Variants in WWOX observed in about 807,000 individuals in gnomAD.
The protein encoded by WWOX is WW domain-containing oxidoreductase.
A neutral mutation model predicts 46.2 loss-of-function variants in WWOX; 69 were observed. That is an observed-to-expected ratio of 1.49 (90% confidence interval 1.23 to 1.82). The LOEUF is 1.82. Ranked by LOEUF, WWOX falls within the 40% of genes most tolerant of loss-of-function variation. The probability of loss-of-function intolerance (pLI) is 0.00; values close to 1 mark genes in which losing one functional copy is unlikely to be tolerated. For missense variants in WWOX, 919 were observed against 542.6 expected (o/e 1.69, Z -6.89); for synonymous variants, 359 against 202.6 (o/e 1.77, Z -6.56).
At chr16:78,369,040 T>A (rs1411926285) in intron 5 of WWOX, among the ~76,000 whole-genome samples, 1 of 151,932 alleles carries the variant, frequency 6.6e-6, no homozygotes, top group Non-Finnish European at 1.5e-5. Flanking sequence ...AACTCTTCCT[T>A]CCTCTATCCT....
At chr16:78,223,084 A>G (rs1005896850) in intron 5 of WWOX, among the ~76,000 whole-genome samples, 2 of 152,118 alleles carry the variant, frequency 1.3e-5, no homozygotes, top group African/African-American at 4.8e-5. Context: ...TGCGGTGATC[A>G]TTTATGTGAT....
intron 8 of WWOX, among the ~76,000 whole-genome samples, chr16:78,719,944 T>A (rs914690870): frequency 1.3e-5 from 2 of 152,228 alleles, no homozygotes; most frequent in Non-Finnish European, 2.9e-5. Context: ...TTCACCAAAG[T>A]GTTCTATTCT....
At chr16:78,468,134 G>C (rs2084126390) in intron 8 of WWOX, among the ~76,000 whole-genome samples, 1 of 152,116 alleles carries the variant, frequency 6.6e-6, no homozygotes, top group African/African-American at 2.4e-5. Context: ...GGGAGTCCAA[G>C]AACTACCTTT....
At chr16:78,265,281 C>T (rs534963123) in intron 5 of WWOX, among the ~76,000 whole-genome samples, 33 of 152,240 alleles carry the variant, frequency 2.2e-4, no homozygotes, top group Admixed American at 5.9e-4. Context: ...AGGCATAAGC[C>T]ACCTCACCCA....
intron 8 of WWOX, among the ~76,000 whole-genome samples, chr16:78,923,794 G>GGT (rs2045434006): frequency 9.8e-6 from 1 of 102,166 alleles, no homozygotes. Flanking sequence ...TTTTTAGTTA[G>GGT]TTTTTTTTTT....
Position 78,791,126 on chromosome 16 carries a change from G to T in WWOX, c.1056+358374G>T, listed in dbSNP as rs916823247. On this transcript the variant is annotated intron_variant, in intron 8 of 8. Transcript: ENST00000566780. ...AGGAAGGGCAGGGAAGAAGGGGGTT[G>T]GAGGTCAGTGGGAGGAATAACTCTG... 2.0e-5 allele frequency among the ~76,000 whole-genome samples: 3 copies of T among 152,174 alleles called. No homozygotes were observed. The East Asian group carries it at 5.8e-4, about 29-fold the overall frequency.
At chr16:78,869,260 G>T (rs1157755152) in intron 8 of WWOX, among the ~76,000 whole-genome samples, 1 of 152,164 alleles carries the variant, frequency 6.6e-6, no homozygotes, top group African/African-American at 2.4e-5. Flanking sequence ...CACCCTGCTG[G>T]AAATGAAACA....
chr16:78,341,038 A>G (rs1451800893), intron 5 of WWOX, among the ~76,000 whole-genome samples: 2 of 119,010 alleles, frequency 1.7e-5, no homozygotes, highest in East Asian at 3.9e-4. Context: ...CAGGTTCCAC[A>G]TTTTCTGAGC....
At position 78,833,723 on chromosome 16, in the gene WWOX, C is replaced by G. The variant is rs75020473; in HGVS notation, c.1057-377885C>G. On this transcript the variant is annotated intron_variant, in intron 8 of 8. Transcript: ENST00000566780. ...GATTGAATGCTGTTACCTCAGCATC[C>G]TCTGTGAAACTGGGTATGACTACAC... Among the ~76,000 whole-genome samples the G allele has an allele frequency of 9.9e-5, 15 of 152,206 alleles. 1 individual carries two copies. The highest frequency in any genetic ancestry group is 8.5e-4 in the Admixed American group (13 of 15,282).
chr16:78,905,360 T>C (rs920670358), intron 8 of WWOX, among the ~76,000 whole-genome samples: 22 of 152,342 alleles, frequency 1.4e-4, no homozygotes, highest in Admixed American at 1.2e-3. Flanking sequence ...AAGTGACTGT[T>C]GATGGACGCT....
intron 8 of WWOX, among the ~76,000 whole-genome samples, chr16:78,605,413 G>A (rs1428169357): frequency 6.6e-6 from 1 of 151,392 alleles, no homozygotes; most frequent in African/African-American, 2.4e-5. Flanking sequence ...CATGTCAAGG[G>A]AGGGAACCTC....
chr16:79,075,673 C>T (rs1443358418), intron 8 of WWOX, among the ~76,000 whole-genome samples: 1 of 151,970 alleles, frequency 6.6e-6, no homozygotes, highest in African/African-American at 2.4e-5. Context: ...CTGCCTTAGC[C>T]TCCTGAGTAG....
chr16:78,286,055 T>G (rs1357380063), intron 5 of WWOX, among the ~76,000 whole-genome samples: 1 of 152,226 alleles, frequency 6.6e-6, no homozygotes, highest in South Asian at 2.1e-4. Flanking sequence ...CGACGTGTGT[T>G]CATTCCCATC....
intron 8 of WWOX, among the ~76,000 whole-genome samples, chr16:78,605,658 T>C (rs541445516): frequency 6.6e-6 from 1 of 152,304 alleles, no homozygotes; most frequent in Non-Finnish European, 1.5e-5. Flanking sequence ...TATCCAGAAT[T>C]ACAACTCCGC....
intron 8 of WWOX, among the ~76,000 whole-genome samples, chr16:78,557,794 C>T (rs75799494): frequency 0.029 from 4,237 of 148,536 alleles, 194 homozygotes; most frequent in African/African-American, 0.097. Flanking sequence ...CTCCTGGGTT[C>T]AAACAATTCT....
chr16:79,178,768 G>A (rs111453350), intron 8 of WWOX, among the ~76,000 whole-genome samples: 23 of 152,226 alleles, frequency 1.5e-4, no homozygotes, highest in African/African-American at 4.3e-4. Context: ...ACGTTTGGTC[G>A]ACTAATTTTA....
intron 8 of WWOX, among the ~76,000 whole-genome samples, chr16:78,704,655 TC>T (rs1365442602): frequency 1.3e-5 from 2 of 152,182 alleles, no homozygotes; most frequent in Non-Finnish European, 2.9e-5. Flanking sequence ...AGGAAGGGTA[TC>T]TTTACTGTGA....
intron 8 of WWOX, among the ~76,000 whole-genome samples, chr16:78,606,643 A>G (rs1305804076): frequency 6.6e-6 from 1 of 151,994 alleles, no homozygotes; most frequent in Non-Finnish European, 1.5e-5. Flanking sequence ...ACGAAGTTGA[A>G]TATGTGAACA....
intron 5 of WWOX, among the ~76,000 whole-genome samples, chr16:78,200,135 C>G (rs1248876725): frequency 2.0e-5 from 3 of 152,058 alleles, no homozygotes; most frequent in Non-Finnish European, 4.4e-5. Context: ...TTTCTAAGGC[C>G]AGACATTGAG....
Sources: allele counts gnomAD v4.1 joint callset (sites outside exome capture counted in the v4.1 genomes callset), GRCh38; gene constraint gnomAD v4.1.1; transcripts MANE v1.5; gene names NCBI Gene and HGNC (gene_info 2026-07-23, HGNC 2026-07-21).